PHKB: variants seen among roughly 807,000 people sequenced by gnomAD.
PHKB encodes the protein phosphorylase b kinase regulatory subunit beta.
In PHKB, 122 loss-of-function variants were observed where a neutral mutation model predicts 152.1. The ratio of observed to expected loss-of-function variants is 0.80; its 90% confidence interval spans 0.69 to 0.93. The LOEUF (loss-of-function observed/expected upper bound fraction) is 0.93, where lower values mean the gene tolerates loss of function less well. Ranked by LOEUF, PHKB falls within the 40% of genes least tolerant of loss-of-function variation. The pLI is 0.00. For missense variants in PHKB, 1,304 were observed against 1,328.4 expected (o/e 0.98, Z 0.29); for synonymous variants, 436 against 464.9 (o/e 0.94, Z 0.80).
At chr16:47,538,577 A>G (rs1970995900) in intron 6 of PHKB, among the ~76,000 whole-genome samples, 1 of 152,198 alleles carries the variant, frequency 6.6e-6, no homozygotes, top group Non-Finnish European at 1.5e-5. Context: ...CTGAGGGCAA[A>G]TGTCTCTGTT....
intron 10 of PHKB, chr16:47,590,268 A>G (rs560044427): frequency 6.6e-6 from 1 of 150,646 alleles, no homozygotes; most frequent in African/African-American, 2.5e-5. Context: ...CAAGCTATTT[A>G]TCATTTTATT....
intron 25 of PHKB, chr16:47,665,686 T>G: frequency 1.8e-6 from 1 of 557,232 alleles, no homozygotes; most frequent in South Asian, 2.0e-5. Flanking sequence ...GCTTTTTATA[T>G]CAATAGTGTC....
rs141962437 is a variant in PHKB at position 47,507,985 on chromosome 16, A to G, written c.406-3680A>G. Among the ~76,000 whole-genome samples the G allele has an allele frequency of 9.8e-5, 15 of 152,336 alleles. No homozygotes were observed. In the East Asian group the frequency reaches 2.1e-3, roughly 22 times the overall value. On this transcript the variant is annotated intron_variant, in intron 4 of 30. Transcript: ENST00000323584. ...TTCCCTTGAAACTGAAGCAAAGCAC[A>G]TTAGTAGTGTTCATTCACTGTTTGA...
intron 4 of PHKB, among the ~76,000 whole-genome samples, chr16:47,504,859 A>C (rs1229192054): frequency 1.3e-5 from 2 of 152,234 alleles, no homozygotes; most frequent in Non-Finnish European, 1.5e-5. Context: ...CTGAGGGTGC[A>C]CCACTGGCCC....
At chr16:47,483,814 A>T (rs1468114704) in intron 1 of PHKB, among the ~76,000 whole-genome samples, 1 of 152,230 alleles carries the variant, frequency 6.6e-6, no homozygotes, top group Non-Finnish European at 1.5e-5. Flanking sequence ...AGTCACAGTA[A>T]CTTTTGGTAA....
intron 2 of PHKB, among the ~76,000 whole-genome samples, chr16:47,498,799 G>C (rs1970275672): frequency 6.6e-6 from 1 of 152,168 alleles, no homozygotes; most frequent in African/African-American, 2.4e-5. Context: ...CTACTTGGGA[G>C]TCTAAGTTGG....
At chr16:47,592,295 G>GTTCT (rs1268939348) in intron 10 of PHKB, among the ~76,000 whole-genome samples, 1 of 152,190 alleles carries the variant, frequency 6.6e-6, no homozygotes, top group Non-Finnish European at 1.5e-5. Flanking sequence ...TTCACCTGTG[G>GTTCT]TTCTCTTTTA....
In PHKB at chr16:47,641,513, G is replaced by A. The variant is rs924980890; in HGVS notation, c.1515-86G>A. 18 of 760,322 alleles carry A rather than the reference G, an allele frequency of 2.4e-5. No homozygotes were observed. The African/African-American group carries it at 2.6e-4, about 11-fold the overall frequency. 47.1% of individuals were successfully genotyped at this position (760,322 alleles called of 1,614,324 possible). ...TTAATAATGCCCTCCAAGTTAACATGTTCCCTTTTATCCTCCTCCTTCACT... is the reference window on the plus strand; with the variant it reads ...TTAATAATGCCCTCCAAGTTAACATATTCCCTTTTATCCTCCTCCTTCACT... On this transcript the variant is annotated intron_variant, in intron 15 of 30. Transcript: ENST00000323584.
chr16:47,559,392 CAAACTTAGAGGCATA>C (rs760390450), intron 7 of PHKB, among the ~76,000 whole-genome samples: 18 of 152,130 alleles, frequency 1.2e-4, no homozygotes, highest in Non-Finnish European at 2.2e-4. Context: ...CAAATAAACC[CAAACTTAGAGGCATA>C]AAAACAACAA....
At chr16:47,694,445 A>T (rs971990030) in intron 28 of PHKB, among the ~76,000 whole-genome samples, 5 of 152,186 alleles carry the variant, frequency 3.3e-5, no homozygotes, top group Non-Finnish European at 7.3e-5. Flanking sequence ...CTCTGTAAGG[A>T]CCCATAGGAA....
At position 47,547,483 on chromosome 16, in the gene PHKB, G is replaced by A; in HGVS notation, c.645G>A (p.Val215=). The A allele has an allele frequency of 6.2e-7, 1 of 1,613,142 alleles. No individual in the cohort carries two copies. The highest frequency in any genetic ancestry group is 1.7e-5 in the Admixed American group (1 of 59,998). The change falls in exon 7 of 31, where the codon GTG becomes GTA. Residue 215 remains valine (V), a synonymous_variant. Transcript: ENST00000323584. ...TTTGTGTGGAAAGAGTTTACCGTGT[G>A]CCTGACTTTGGTGTCTGGGAAAGAG... The part of the protein sequence containing the change: ...LVFCVERVYR[V]PDFGVWERGS...
At chr16:47,605,936 A>G (rs1972315568) in intron 13 of PHKB, among the ~76,000 whole-genome samples, 1 of 152,324 alleles carries the variant, frequency 6.6e-6, no homozygotes, top group East Asian at 1.9e-4. Context: ...GCTTTGCTCT[A>G]TACCAACCAC....
intron 8 of PHKB, among the ~76,000 whole-genome samples, chr16:47,581,136 T>G (rs1971836867): frequency 6.6e-6 from 1 of 152,234 alleles, no homozygotes; most frequent in South Asian, 2.1e-4. Context: ...AAGAAACATT[T>G]TAGGAGGTTA....
rs1299236434 is a variant in PHKB, at chr16:47,532,141, A to T, written c.595-15292A>T. Among the ~76,000 whole-genome samples the T allele has an allele frequency of 2.6e-5, 4 of 152,228 alleles. No homozygotes were observed. In the East Asian group the frequency reaches 7.7e-4, roughly 29 times the overall value. On this transcript the variant is annotated intron_variant, in intron 6 of 30. Coordinates refer to ENST00000323584, the MANE Select transcript of PHKB (RefSeq NM_000293.3). ...CAAATTTAAACCCCGATCATATGCC[A>T]CTTCACATGCATCAGACTTGTGTAA... is the stretch of plus-strand genomic sequence containing the variant.
At chr16:47,468,006 T>C (rs1207719505) in intron 1 of PHKB, among the ~76,000 whole-genome samples, 1 of 152,204 alleles carries the variant, frequency 6.6e-6, no homozygotes, top group Non-Finnish European at 1.5e-5. Context: ...AATCATGTTC[T>C]TCCTTAAATA....
chr16:47,468,340 C>T (rs2151626834), intron 1 of PHKB, among the ~76,000 whole-genome samples: 2 of 152,334 alleles, frequency 1.3e-5, no homozygotes, highest in East Asian at 1.9e-4. Flanking sequence ...TTAAGGCCCT[C>T]CTATTGTATC....
In PHKB at chr16:47,479,327, T is replaced by C. The variant is rs186670255; in HGVS notation, c.76+17901T>C. ...GTTTTGATATTTAAGCTGTTTTAGT[T>C]GGTTCATGATCTTACTTTCTAGGGA... On this transcript the variant is annotated intron_variant, in intron 1 of 30. Coordinates refer to ENST00000323584, the MANE Select transcript of PHKB (RefSeq NM_000293.3). 2.0e-3 allele frequency among the ~76,000 whole-genome samples: 312 copies of C among 152,324 alleles called. 3 individuals are homozygous for C. Among genetic ancestry groups the C allele is most frequent in the Admixed American group, 5.7e-3 (87 of 15,296 alleles).
intron 14 of PHKB, among the ~76,000 whole-genome samples, chr16:47,625,628 C>T (rs1972695969): frequency 6.6e-6 from 1 of 152,178 alleles, no homozygotes. Context: ...TAATGACACC[C>T]TCTAAGAGTT....
At chr16:47,536,690 A>T (rs1230625813) in intron 6 of PHKB, among the ~76,000 whole-genome samples, 1 of 152,122 alleles carries the variant, frequency 6.6e-6, no homozygotes, top group Non-Finnish European at 1.5e-5. Flanking sequence ...AGCTAATCTC[A>T]TCTCAGTTCT....
Sources: gnomAD v4.1 joint callset for allele counts (sites outside exome capture counted in the v4.1 genomes callset) on GRCh38, gnomAD v4.1.1 for gene constraint, MANE v1.5 for transcripts, NCBI Gene and HGNC (gene_info 2026-07-23, HGNC 2026-07-21) for gene names.